PRELID2: variants seen among roughly 807,000 people sequenced by gnomAD.
The protein encoded by PRELID2 is PRELI domain-containing protein 2.
PRELID2 carries 25 observed loss-of-function variants against 28.4 expected under a neutral mutation model. The observed-to-expected ratio is 0.88, with a 90% confidence interval of 0.64 to 1.23. The LOEUF is 1.23. Among genes scored for constraint, PRELID2 ranks in the 50% most tolerant of loss-of-function variants. PRELID2 has a pLI of 0.00. For missense variants in PRELID2, 201 were observed against 214.4 expected, an observed-to-expected ratio of 0.94 and a Z score of 0.39; for synonymous variants, 76 against 71.6, an observed-to-expected ratio of 1.06 and a Z score of -0.31.
chr5:145,826,072 T>C, intron 1 of PRELID2: 1 of 985,426 alleles, frequency 1.0e-6, no homozygotes, highest in African/African-American at 1.7e-5. Flanking sequence ...ACTGCAGAAT[T>C]GATCAAGCTG....
rs150551406 is a variant in PRELID2 at position 145,742,690 on chromosome 5, C to G, written n.70+22241G>C. On this transcript the variant is annotated intron_variant and non_coding_transcript_variant, in intron 1 of 2. Coordinates refer to the PRELID2 transcript ENST00000510259. The stretch of plus-strand genomic sequence containing the variant: ...ATAATCTAAGTTCCCACCTCAAGAT[C>G]AAGAAAAAGAAGAGAAAATTAAGCC... Among the ~76,000 whole-genome samples the G allele has an allele frequency of 1.5e-3, 229 of 149,818 alleles. 1 individual carries two copies. The highest frequency in any genetic ancestry group is 5.1e-3 in the African/African-American group (207 of 40,776).
the PRELID2 span, among the ~76,000 whole-genome samples, chr5:145,418,282 A>G: frequency 6.6e-6 from 1 of 152,210 alleles, no homozygotes; most frequent in African/African-American, 2.4e-5. Flanking sequence ...ATGATTAGGA[A>G]GAATCAATAT....
chr5:145,474,365 C>T (rs549013163), intron 1 of PRELID2, among the ~76,000 whole-genome samples: 8 of 152,288 alleles, frequency 5.3e-5, no homozygotes, highest in African/African-American at 1.7e-4. Flanking sequence ...ACAAAGAGAA[C>T]TCTCCCAGGC....
downstream of PRELID2, among the ~76,000 whole-genome samples, chr5:145,755,811 A>G (rs1242770523): frequency 6.6e-6 from 1 of 152,192 alleles, no homozygotes; most frequent in East Asian, 1.9e-4. Flanking sequence ...ATGCTGGCTG[A>G]ACTTAGGGCT....
At chr5:145,675,684 G>A (rs1421473199) in intron 1 of PRELID2, among the ~76,000 whole-genome samples, 1 of 152,160 alleles carries the variant, frequency 6.6e-6, no homozygotes, top group Non-Finnish European at 1.5e-5. Context: ...CTCCAGGCCT[G>A]TTTCTATACA....
the PRELID2 span, among the ~76,000 whole-genome samples, chr5:145,415,487 G>A: frequency 5.8e-5 from 8 of 136,890 alleles, no homozygotes; most frequent in East Asian, 6.4e-4. Context: ...GTGTCCATGT[G>A]ATCTCATTGT....
chr5:145,828,895 G>C (rs1479059033), intron 1 of PRELID2, among the ~76,000 whole-genome samples: 1 of 132,198 alleles, frequency 7.6e-6, no homozygotes, highest in African/African-American at 2.9e-5. Flanking sequence ...CTGGAGTGCA[G>C]TGATGCAATT....
intron 1 of PRELID2, among the ~76,000 whole-genome samples, chr5:145,673,649 A>AT (rs1192653744): frequency 2.6e-5 from 4 of 152,066 alleles, no homozygotes; most frequent in East Asian, 1.9e-4. Flanking sequence ...TATAAAAAAA[A>AT]TTTTTGATTT....
At chr5:145,406,923 C>G in the PRELID2 span, among the ~76,000 whole-genome samples, 1 of 152,124 alleles carries the variant, frequency 6.6e-6, no homozygotes, top group Non-Finnish European at 1.5e-5. Flanking sequence ...GTGGGCACTC[C>G]CAGTCCCCAG....
chr5:145,424,712 C>T, the PRELID2 span, among the ~76,000 whole-genome samples: 7 of 152,128 alleles, frequency 4.6e-5, no homozygotes, highest in East Asian at 5.8e-4. Context: ...AGCTGTAGAC[C>T]GGAGCTGTTC....
chr5:145,733,671 A>T, intron 1 of PRELID2, among the ~76,000 whole-genome samples: 1 of 152,298 alleles, frequency 6.6e-6, no homozygotes, highest in African/African-American at 2.4e-5. Flanking sequence ...ACTCAAAAGC[A>T]ATCTTTTTTC....
chr5:145,547,932 C>T (rs1008469269), intron 1 of PRELID2, among the ~76,000 whole-genome samples: 6 of 152,190 alleles, frequency 3.9e-5, no homozygotes, highest in African/African-American at 1.4e-4. Flanking sequence ...AGAATCTTCA[C>T]TCTTATAATG....
chr5:145,469,289 A>G (rs1752030857), downstream of PRELID2, among the ~76,000 whole-genome samples: 1 of 152,106 alleles, frequency 6.6e-6, no homozygotes, highest in South Asian at 2.1e-4. Context: ...CCAATATATC[A>G]TAATTTTGTA....
At chr5:145,671,158 A>T (rs1419077502) in intron 1 of PRELID2, among the ~76,000 whole-genome samples, 1 of 152,212 alleles carries the variant, frequency 6.6e-6, no homozygotes, top group Non-Finnish European at 1.5e-5. Flanking sequence ...CTTTATAAAG[A>T]GCAAAACTCT....
At chr5:145,259,068 C>T in the PRELID2 span, among the ~76,000 whole-genome samples, 1 of 152,176 alleles carries the variant, frequency 6.6e-6, no homozygotes, top group Non-Finnish European at 1.5e-5. Flanking sequence ...GCCTTGGCAG[C>T]TTCCACGTGG....
chr5:145,285,948 G>C, the PRELID2 span, among the ~76,000 whole-genome samples: 381 of 152,278 alleles, frequency 2.5e-3, 3 homozygotes, highest in African/African-American at 8.8e-3. Flanking sequence ...CTAAGGACTG[G>C]TTGCTGTATT....
the PRELID2 span, among the ~76,000 whole-genome samples, chr5:145,448,561 C>T: frequency 6.6e-6 from 1 of 152,124 alleles, no homozygotes; most frequent in Non-Finnish European, 1.5e-5. Flanking sequence ...AGATTTTAAA[C>T]CAACAAAGAT....
At chr5:145,596,902 AT>A (rs1753314919) in intron 1 of PRELID2, among the ~76,000 whole-genome samples, 1 of 152,164 alleles carries the variant, frequency 6.6e-6, no homozygotes, top group Non-Finnish European at 1.5e-5. Flanking sequence ...GCTTGTCCTG[AT>A]TTGACCCCCA....
chr5:145,343,481 AAC>A, the PRELID2 span, among the ~76,000 whole-genome samples: 31 of 151,982 alleles, frequency 2.0e-4, no homozygotes, highest in African/African-American at 7.0e-4. Flanking sequence ...ATGAAAAAAA[AAC>A]ATAACATGTC....
Sources: allele counts gnomAD v4.1 joint callset (sites outside exome capture counted in the v4.1 genomes callset), GRCh38; gene constraint gnomAD v4.1.1; transcripts MANE v1.5; gene names NCBI Gene and HGNC (gene_info 2026-07-23, HGNC 2026-07-21).